Variants in MYO18B observed in about 807,000 individuals in gnomAD.
MYO18B encodes myosin XVIIIB, also known as unconventional myosin-XVIIIb.
Under a neutral mutation model 273.0 loss-of-function variants are expected in MYO18B, and 204 were observed. The observed-to-expected ratio is 0.75, with a 90% CI of 0.67 to 0.84. The LOEUF is 0.84. Ranked by LOEUF, MYO18B falls within the 40% of genes least tolerant of loss-of-function variation. The pLI is 0.00. For missense variants in MYO18B, 3,212 were observed against 3,287.6 expected (o/e 0.98, Z 0.56); for synonymous variants, 1,330 against 1,305.7 (o/e 1.02, Z -0.40).
intron 33 of MYO18B, among the ~76,000 whole-genome samples, chr22:25,915,558 T>C (rs767566498): frequency 2.6e-5 from 4 of 152,218 alleles, no homozygotes; most frequent in Non-Finnish European, 4.4e-5. Flanking sequence ...AAATGTAATG[T>C]GGCACGTGAC....
intron 29 of MYO18B, 90 bp downstream of exon 29, chr22:25,898,551 C>G (rs989673450): frequency 7.2e-7 from 1 of 1,397,456 alleles, no homozygotes; most frequent in Non-Finnish European, 9.9e-7. Context: ...CTCCTAACTC[C>G]CTCACTTCAA....
intron 6 of MYO18B, among the ~76,000 whole-genome samples, chr22:25,772,112 G>C (rs1219712408): frequency 6.6e-6 from 1 of 152,220 alleles, no homozygotes; most frequent in East Asian, 1.9e-4. Flanking sequence ...GCGAAGAGGG[G>C]GTGCCTCATA....
At chr22:26,051,216 CTTTTTTTT>C in the MYO18B span, among the ~76,000 whole-genome samples, 5 of 92,586 alleles carry the variant, frequency 5.4e-5, no homozygotes, top group Non-Finnish European at 9.6e-5. Context: ...TAATTGGTCC[CTTTTTTTT>C]TTTTTTTTTT....
chr22:25,824,945 C>T (rs908476159), intron 13 of MYO18B, among the ~76,000 whole-genome samples: 8 of 152,110 alleles, frequency 5.3e-5, no homozygotes, highest in South Asian at 2.1e-4. Flanking sequence ...GACACTGGCA[C>T]ACATATACTG....
chr22:25,876,213 A>C lies in MYO18B; in HGVS notation c.4105A>C (p.Ile1369Leu). The C allele has an allele frequency of 6.2e-7, 1 of 1,613,292 alleles. No individual in the cohort carries two copies. The highest frequency in any genetic ancestry group is 1.1e-5 in the South Asian group (1 of 90,866). The part of the protein sequence containing the change: ...LKIRRLAAQC[I>L]QKNVAVFLAV... ...GATTCGCCGACTGGCTGCACAGTGC[A>C]TCCAGAAGAATGTGGCTGTGTTCCT... The change falls in exon 24 of 44, where the codon ATC (isoleucine) becomes CTC (leucine). Residue 1369 changes from isoleucine to leucine, a missense_variant. Ile to Leu is a conservative substitution (Grantham distance 5). Coordinates refer to ENST00000335473, the MANE Select transcript of MYO18B (RefSeq NM_032608.7).
At chr22:25,943,647 C>G (rs1215871498) in intron 34 of MYO18B, among the ~76,000 whole-genome samples, 1 of 151,542 alleles carries the variant, frequency 6.6e-6, no homozygotes, top group African/African-American at 2.4e-5. Context: ...TTTGCACTTG[C>G]TATTGCTGCT....
chr22:25,818,288 C>A (rs1262199717), intron 12 of MYO18B, among the ~76,000 whole-genome samples: 2 of 152,150 alleles, frequency 1.3e-5, no homozygotes, highest in African/African-American at 4.8e-5. Flanking sequence ...GTCTCTCTGC[C>A]TCTCTCACTT....
chr22:25,754,426 C>T (rs1447236412), intron 1 of MYO18B, among the ~76,000 whole-genome samples: 1 of 151,980 alleles, frequency 6.6e-6, no homozygotes, highest in Non-Finnish European at 1.5e-5. Flanking sequence ...GAGACAGGTG[C>T]TATGTTACAA....
chr22:26,016,169 T>A (rs768929753), intron 42 of MYO18B, among the ~76,000 whole-genome samples: 3 of 152,216 alleles, frequency 2.0e-5, no homozygotes, highest in Non-Finnish European at 4.4e-5. Flanking sequence ...ATATGTTGAA[T>A]CCAAATTGAA....
At chr22:26,043,075 C>T in the MYO18B span, among the ~76,000 whole-genome samples, 117 of 152,330 alleles carry the variant, frequency 7.7e-4, 1 homozygote, top group African/African-American at 2.6e-3. Flanking sequence ...CCTCCTCCCC[C>T]AAGCAACCAC....
At chr22:25,941,322 A>C (rs2092641728) in intron 34 of MYO18B, among the ~76,000 whole-genome samples, 1 of 152,160 alleles carries the variant, frequency 6.6e-6, no homozygotes, top group Non-Finnish European at 1.5e-5. Flanking sequence ...GGGAAGTGTC[A>C]GCTGTCACCT....
chr22:25,861,616 T>A (rs1489934145), intron 21 of MYO18B, among the ~76,000 whole-genome samples: 1 of 152,206 alleles, frequency 6.6e-6, no homozygotes, highest in African/African-American at 2.4e-5. Context: ...CTCTGCCTTT[T>A]TATTAAGGTG....
chr22:25,831,226 A>C (rs2089695333), intron 15 of MYO18B, among the ~76,000 whole-genome samples: 1 of 152,104 alleles, frequency 6.6e-6, no homozygotes, highest in African/African-American at 2.4e-5. Context: ...ACCTCCCTCC[A>C]CTTACAAATC....
At chr22:25,869,029 T>C (rs546703261) in intron 22 of MYO18B, among the ~76,000 whole-genome samples, 1 of 152,304 alleles carries the variant, frequency 6.6e-6, no homozygotes, top group East Asian at 1.9e-4. Flanking sequence ...CTTTTGTTTG[T>C]GTGGAATACC....
At chr22:25,869,633 T>G (rs2146152992) in intron 22 of MYO18B, among the ~76,000 whole-genome samples, 1 of 152,190 alleles carries the variant, frequency 6.6e-6, no homozygotes, top group African/African-American at 2.4e-5. Flanking sequence ...CCAGGAGCTA[T>G]GTGAGGTGGT....
intron 42 of MYO18B, among the ~76,000 whole-genome samples, chr22:26,021,770 T>C (rs1347562970): frequency 6.6e-6 from 1 of 152,186 alleles, no homozygotes; most frequent in Non-Finnish European, 1.5e-5. Context: ...TTACTCAGCC[T>C]CTCTGTGCCT....
At chr22:25,790,104 G>A (rs913201759) in intron 11 of MYO18B, among the ~76,000 whole-genome samples, 1 of 152,202 alleles carries the variant, frequency 6.6e-6, no homozygotes, top group African/African-American at 2.4e-5. Context: ...AGTGAGCCGA[G>A]ATTGCGCCAC....
chr22:25,829,108 A>G, intron 15 of MYO18B, 140 bp downstream of exon 15: 1 of 983,966 alleles, frequency 1.0e-6, no homozygotes, highest in Non-Finnish European at 1.5e-6. Flanking sequence ...CCCTTTCCCC[A>G]GGCCTGGCTC....
chr22:25,772,924 T>G (rs1471432251), intron 7 of MYO18B, among the ~76,000 whole-genome samples: 1 of 152,178 alleles, frequency 6.6e-6, no homozygotes. Context: ...CTCTCAGGTC[T>G]AGCGAGCAGA....
Sources: gnomAD v4.1 joint callset for allele counts (sites outside exome capture counted in the v4.1 genomes callset) on GRCh38, gnomAD v4.1.1 for gene constraint, MANE v1.5 for transcripts, NCBI Gene and HGNC (gene_info 2026-07-23, HGNC 2026-07-21) for gene names.